The following SPC25 variants were observed in gnomAD, a reference collection of about 807,000 sequenced individuals.
The protein encoded by SPC25 is kinetochore protein Spc25.
In SPC25, 22 loss-of-function variants were observed where a neutral mutation model predicts 29.6. The ratio of observed to expected loss-of-function variants is 0.74; its 90% confidence interval spans 0.53 to 1.06. SPC25 has a LOEUF of 1.06. Ranked by LOEUF, SPC25 falls within the 50% of genes least tolerant of loss-of-function variation. The pLI is 0.00. For missense variants in SPC25, 230 were observed against 255.8 expected (o/e 0.90, Z 0.69); for synonymous variants, 91 against 90.4 (o/e 1.01, Z -0.04).
intron 4 of SPC25, among the ~76,000 whole-genome samples, chr2:168,864,330 A>T (rs1229060582): frequency 1.3e-5 from 2 of 149,010 alleles, no homozygotes; most frequent in African/African-American, 5.0e-5. Context: ...GCTGTTGCCC[A>T]GGCTAGAGTG....
intron 4 of SPC25, chr2:168,865,026 T>A: frequency 1.3e-6 from 2 of 1,576,296 alleles, no homozygotes; most frequent in South Asian, 2.3e-5. Flanking sequence ...ACAGTGTGGT[T>A]CAAATAAGAA....
chr2:168,884,646 T>A (rs557637194), intron 3 of SPC25, among the ~76,000 whole-genome samples: 1 of 152,336 alleles, frequency 6.6e-6, no homozygotes, highest in African/African-American at 2.4e-5. Flanking sequence ...GGTGACCTTC[T>A]CTCTTACTTC....
At chr2:168,868,475 G>A (rs1271087537), downstream of SPC25, among the ~76,000 whole-genome samples, 45 of 151,954 alleles carry the variant, frequency 3.0e-4, 1 homozygote, top group Admixed American at 3.0e-3. Context: ...TAATTAAGAA[G>A]AAAAGAGAGA....
rs117387626 is a variant in SPC25 at position 168,874,140 on chromosome 2, C to T, written c.452-457G>A. The stretch of plus-strand genomic sequence containing the variant: ...AAGTCCACAAAAAGATGCTCAACAT[C>T]ATTAGTCATTATGTAAATGCAAGCC... On this transcript the variant is annotated intron_variant, in intron 5 of 6. Transcript: ENST00000282074. 4.9e-3 allele frequency among the ~76,000 whole-genome samples: 743 copies of T among 152,252 alleles called. 9 individuals are homozygous for T. In the East Asian group the frequency reaches 0.055, roughly 11 times the overall value.
chr2:168,874,976 A>G (rs1690060774), intron 5 of SPC25, among the ~76,000 whole-genome samples: 1 of 152,178 alleles, frequency 6.6e-6, no homozygotes, highest in Non-Finnish European at 1.5e-5. Flanking sequence ...CAAACCTGAG[A>G]GTGATCTTGG....
chr2:168,865,003 G>A (rs757176411), intron 4 of SPC25: 105 of 1,609,486 alleles, frequency 6.5e-5, no homozygotes, highest in Non-Finnish European at 6.7e-5. Flanking sequence ...CTTCACACTC[G>A]GTAATCAACA....
intron 4 of SPC25, among the ~76,000 whole-genome samples, chr2:168,863,183 G>A (rs758557330): frequency 1.3e-5 from 2 of 152,132 alleles, no homozygotes; most frequent in African/African-American, 2.4e-5. Flanking sequence ...AATGAAACAC[G>A]ACGTTGGAGC....
At chr2:168,864,112 C>T (rs529112226) in intron 4 of SPC25, among the ~76,000 whole-genome samples, 2 of 151,964 alleles carry the variant, frequency 1.3e-5, no homozygotes, top group African/African-American at 2.4e-5. Context: ...GGACTACAGG[C>T]GTGTGCCACC....
intron 5 of SPC25, 68 bp from the exon 6 acceptor site, chr2:168,873,751 T>G (rs1307585772): frequency 1.0e-6 from 1 of 987,328 alleles, no homozygotes; most frequent in Non-Finnish European, 1.6e-6. Context: ...TACTCCATCT[T>G]TGATCAATAT....
intron 5 of SPC25, 113 bp from the exon 6 acceptor site, chr2:168,873,796 C>T: frequency 1.7e-6 from 1 of 574,336 alleles, no homozygotes; most frequent in Non-Finnish European, 3.1e-6. Flanking sequence ...ATGTAACCAA[C>T]ATTTCCAAAT....
rs1574357738 is a variant in SPC25 at position 168,871,395 on chromosome 2, G to A, written c.*36C>T. ...AAAAAAAGAGATATGTAATAGAGAA[G>A]AAAAATAAACCGTTTTTATATACAC... On this transcript the variant is annotated 3_prime_UTR_variant, in exon 7 of 7. Coordinates refer to ENST00000282074, the MANE Select transcript of SPC25 (RefSeq NM_020675.4). 3 of 1,547,958 alleles carry A rather than the reference G, an allele frequency of 1.9e-6. No individual in the cohort carries two copies. The highest frequency in any genetic ancestry group is 2.5e-5 in the South Asian group (2 of 80,022).
At chr2:168,865,665 A>C (rs1269265207) in intron 4 of SPC25, among the ~76,000 whole-genome samples, 1 of 152,200 alleles carries the variant, frequency 6.6e-6, no homozygotes, top group African/African-American at 2.4e-5. Flanking sequence ...AATTAGGAAA[A>C]GAGGAAGTCA....
At chr2:168,875,424 T>C (rs1292289929) in intron 5 of SPC25, among the ~76,000 whole-genome samples, 1 of 152,172 alleles carries the variant, frequency 6.6e-6, no homozygotes, top group Non-Finnish European at 1.5e-5. Context: ...CATTCATACC[T>C]ATGATAAAGT....
chr2:168,865,000 C>A (rs1323079870), intron 4 of SPC25: 1 of 1,611,312 alleles, frequency 6.2e-7, no homozygotes, highest in Admixed American at 1.7e-5. Context: ...TACCTTCACA[C>A]TCGGTAATCA....
chr2:168,863,164 G>GTTTC (rs1176021095), intron 4 of SPC25, among the ~76,000 whole-genome samples: 2 of 152,128 alleles, frequency 1.3e-5, no homozygotes, highest in Non-Finnish European at 2.9e-5. Context: ...ATTCTAAGCA[G>GTTTC]TTTCTTTAAA....
At chr2:168,874,723 A>C (rs1329777233) in intron 5 of SPC25, among the ~76,000 whole-genome samples, 2 of 152,162 alleles carry the variant, frequency 1.3e-5, no homozygotes, top group African/African-American at 4.8e-5. Flanking sequence ...ATAAGCGTCC[A>C]GAACCTCTAA....
downstream of SPC25, among the ~76,000 whole-genome samples, chr2:168,865,908 C>T (rs973694673): frequency 1.3e-5 from 2 of 152,248 alleles, no homozygotes; most frequent in Non-Finnish European, 2.9e-5. Flanking sequence ...AGGAATCCAA[C>T]TTACAAGGGA....
downstream of SPC25, among the ~76,000 whole-genome samples, chr2:168,866,854 CAAAAAACACATG>C (rs1689866979): frequency 2.0e-5 from 3 of 151,804 alleles, no homozygotes; most frequent in Non-Finnish European, 4.4e-5. Flanking sequence ...TTTATGCAGC[CAAAAAACACATG>C]AAAAAATGCT....
chr2:168,862,135 T>A, intron 4 of SPC25: 19 of 1,154,536 alleles, frequency 1.6e-5, no homozygotes, highest in Non-Finnish European at 2.5e-5. Context: ...GTGGCAGCCT[T>A]AAGAGTTACT....
Sources: gnomAD v4.1 joint callset for allele counts (sites outside exome capture counted in the v4.1 genomes callset) on GRCh38, gnomAD v4.1.1 for gene constraint, MANE v1.5 for transcripts, NCBI Gene and HGNC (gene_info 2026-07-23, HGNC 2026-07-21) for gene names.